MUC4: variants seen among roughly 807,000 people sequenced by gnomAD.
The protein encoded by MUC4 is mucin 4, cell surface associated, also known as mucin-4.
A neutral mutation model predicts 257.9 loss-of-function variants in MUC4; 202 were observed. That is an observed-to-expected ratio of 0.78 (90% CI 0.70 to 0.88). The LOEUF (loss-of-function observed/expected upper bound fraction) is 0.88, where lower values mean the gene tolerates loss of function less well. MUC4 is among the 40% of genes least tolerant of loss of function. The probability of loss-of-function intolerance (pLI) is 0.00; values close to 1 mark genes in which losing one functional copy is unlikely to be tolerated. For synonymous variants in MUC4, 2,351 were observed against 2,757.1 expected (o/e 0.85, Z 4.62); for missense variants, 5,976 against 6,513.7 (o/e 0.92, Z 2.84).
intron 1 of MUC4, among the ~76,000 whole-genome samples, 198 bp downstream of exon 1, chr3:195,811,538 T>TC (rs1263811814): frequency 9.2e-5 from 14 of 151,640 alleles, no homozygotes; most frequent in Non-Finnish European, 2.1e-4. Flanking sequence ...CTCTCCACCT[T>TC]CCCCCCATGT....
chr3:195,800,825 C>T (rs1384841710), intron 1 of MUC4, among the ~76,000 whole-genome samples: 5 of 143,140 alleles, frequency 3.5e-5, no homozygotes, highest in East Asian at 4.2e-4. Context: ...CAGGCAGAGG[C>T]GGGAGGATTC....
In MUC4 at chr3:195,768,935, C is replaced by T. The variant is rs1256114707; in HGVS notation, c.13529+87G>A. 4.8e-5 allele frequency: 72 copies of T among 1,502,888 alleles called. No individual in the cohort carries two copies. In the South Asian group the frequency reaches 9.0e-4, roughly 19 times the overall value. 93.1% of individuals were successfully genotyped at this position (1,502,888 alleles called of 1,614,324 possible). ...CCAGCCAGGAGGGTTCCCGCCTTGCCCCAGGATGGGAGTGTGTGTGCAGCG... is the reference window on the plus strand; with the variant it reads ...CCAGCCAGGAGGGTTCCCGCCTTGCTCCAGGATGGGAGTGTGTGTGCAGCG... On this transcript the variant is annotated intron_variant, in intron 7 of 24. Coordinates refer to ENST00000463781, the MANE Select transcript of MUC4 (RefSeq NM_018406.7).
chr3:195,789,314 T>C lies in MUC4; in HGVS notation c.2266A>G (p.Thr756Ala), dbSNP rs1380226292. ...GGTGAGGTGCTGGCAGAGGCTGATG[T>C]CCATTGTCCTTCTGGGCCCCCTGGT... Reference protein sequence around the residue: ...STPGGPEGQWTSASASTSPDT... With the variant: ...STPGGPEGQWASASASTSPDT... Residue 756 changes from threonine (T) to alanine (A), a missense_variant, in exon 2 of 25, where the codon ACA becomes GCA. Thr to Ala is a moderately conservative substitution (Grantham distance 58, BLOSUM62 0). Around this residue, in one of 44 missense-constraint regions of MUC4, gnomAD observed 1,583 missense variants for 1,257.4 expected, o/e 1.26. Transcript: ENST00000463781. 2.5e-6 allele frequency: 4 copies of C among 1,613,742 alleles called. No homozygotes were observed. The highest frequency in any genetic ancestry group is 1.7e-6 in the Non-Finnish European group (2 of 1,179,858).
chr3:195,808,198 C>T (rs532661177), intron 1 of MUC4, among the ~76,000 whole-genome samples: 1 of 152,192 alleles, frequency 6.6e-6, no homozygotes, highest in South Asian at 2.1e-4. Flanking sequence ...TCTTCCCAGG[C>T]CTCTTTCTCA....
intron 1 of MUC4, among the ~76,000 whole-genome samples, chr3:195,805,393 C>A (rs1735852926): frequency 6.6e-6 from 1 of 152,200 alleles, no homozygotes; most frequent in South Asian, 2.1e-4. Context: ...GCTCAACTCT[C>A]TTTTCCCCAA....
intron 21 of MUC4, 111 bp downstream of exon 21, chr3:195,752,262 G>T: frequency 9.6e-7 from 1 of 1,037,176 alleles, no homozygotes; most frequent in Non-Finnish European, 1.5e-6. Flanking sequence ...GCCTCCTCTG[G>T]CAGTTGAATC....
intron 6 of MUC4, chr3:195,769,827 C>G: frequency 5.4e-6 from 1 of 183,622 alleles, no homozygotes; most frequent in Non-Finnish European, 1.1e-5. Context: ...TTGCCAGTGG[C>G]GTGACTCTGA....
In MUC4 at chr3:195,754,252, A is replaced by AG; in HGVS notation, c.15288dup (p.Cys5097LeufsTer57). On this transcript the variant is annotated frameshift_variant, in exon 19 of 25. Coordinates refer to ENST00000463781, the MANE Select transcript of MUC4 (RefSeq NM_018406.7). LOFTEE classifies it high-confidence loss of function. ...CCATCCCCAGTCAGGTTTGGAGGGC[A>AG]GGCCTCGCAGCCCTTCCCAGGAACG... is the stretch of plus-strand genomic sequence containing the variant. 6.2e-7 allele frequency: 1 copy of AG among 1,613,964 alleles called. No homozygotes were observed. Among genetic ancestry groups the AG allele is most frequent in the Non-Finnish European group, 8.5e-7 (1 of 1,179,956 alleles).
Position 195,789,237 on chromosome 3 carries a change from G to C in MUC4, c.2343C>G (p.Ala781=), listed in dbSNP as rs778759871. ...THTHQAESTE[A]SGQTQTSEPA... ...GTTCGCTGGTCTGTGTTTGTCCAGA[G>C]GCCTCTGTGCTCTCAGCCTGGTGGG... Residue 781 remains alanine (A), a synonymous_variant, in exon 2 of 25, where the codon GCC becomes GCG. Coordinates refer to ENST00000463781, the MANE Select transcript of MUC4 (RefSeq NM_018406.7). The C allele has an allele frequency of 1.9e-6, 3 of 1,613,884 alleles. No homozygotes were observed. Among genetic ancestry groups the C allele is most frequent in the Non-Finnish European group, 1.7e-6 (2 of 1,179,848 alleles).
In MUC4 at chr3:195,754,349, C is replaced by T; in HGVS notation, c.15192G>A (p.Gly5064=). ...SLEVAGCKCD[G]GTFGRYCEGS... ...CCTCGCAGTAGCGGCCGAAGGTGCCCCCGTCACACTTGCAGCCAGCCACCT... is the reference window on the plus strand; with the variant it reads ...CCTCGCAGTAGCGGCCGAAGGTGCCTCCGTCACACTTGCAGCCAGCCACCT... Residue 5064 remains glycine, a synonymous_variant, in exon 19 of 25, where the codon GGG becomes GGA. Transcript: ENST00000463781. 2 of 1,610,604 alleles carry T rather than the reference C, an allele frequency of 1.2e-6. No individual in the cohort carries two copies. Among genetic ancestry groups the T allele is most frequent in the Non-Finnish European group, 1.7e-6 (2 of 1,178,916 alleles).
In MUC4 at chr3:195,757,296, G is replaced by A. The variant is rs1305761611; in HGVS notation, c.15019C>T (p.Leu5007=). The A allele has an allele frequency of 6.2e-7, 1 of 1,609,404 alleles. No homozygotes were observed. Among genetic ancestry groups the A allele is most frequent in the East Asian group, 2.2e-5 (1 of 44,720 alleles). ...AGAATCTCCAGAGTGAATGGCTCCA[G>A]CGACTTGGGTGTCCACAGCAACGTC... ...NGTLLWTPKS[L]EPFTLEILAR... Residue 5007 remains leucine, a synonymous_variant, in exon 18 of 25, where the codon CTG becomes TTG. Transcript: ENST00000463781. This position sits in a 1 kb window ranked among gnomAD's most constrained non-coding sequence, Gnocchi z 4.8.
At chr3:195,777,914 C>CCTTCCACGG (rs1725328856) in intron 3 of MUC4, among the ~76,000 whole-genome samples, 2 of 79,410 alleles carry the variant, frequency 2.5e-5, no homozygotes, top group African/African-American at 1.6e-4. Context: ...ACCTTCCACA[C>CCTTCCACGG]CCATACCTTC....
Position 195,790,295 on chromosome 3 carries a change from A to G in MUC4, c.1285T>C (p.Trp429Arg), listed in dbSNP as rs958021066. ...GCTGTTGACAGAGTGTCTGACCACCATATGGTTGAAACTTTGGAAGTGATT... is the reference window on the plus strand; with the variant it reads ...GCTGTTGACAGAGTGTCTGACCACCGTATGGTTGAAACTTTGGAAGTGATT... ...SAITSKVSTI[W>R]WSDTLSTALS... The change falls in exon 2 of 25, where the codon TGG becomes CGG. Residue 429 changes from tryptophan (W) to arginine (R), a missense_variant. Physicochemically the swap from Trp to Arg is moderately radical, Grantham distance 101 (BLOSUM62 -3). Transcript: ENST00000463781. The G allele has an allele frequency of 6.2e-7, 1 of 1,613,876 alleles. No individual in the cohort carries two copies. The highest frequency in any genetic ancestry group is 1.3e-5 in the African/African-American group (1 of 74,930).
At chr3:195,801,414 C>T in intron 1 of MUC4, among the ~76,000 whole-genome samples, 1 of 151,898 alleles carries the variant, frequency 6.6e-6, no homozygotes, top group South Asian at 2.1e-4. Context: ...CTTCAATGCC[C>T]AGAGCCTTCT....
At chr3:195,778,491 A>G (rs752170834) in intron 2 of MUC4, 36 bp from the exon 3 acceptor site, 1 of 1,604,388 alleles carries the variant, frequency 6.2e-7, no homozygotes, top group East Asian at 2.2e-5. Flanking sequence ...GGTGTTTCTT[A>G]CAGTAACAAA....
In MUC4 at chr3:195,782,341, G is replaced by T; in HGVS notation, c.9239C>A (p.Ser3080Ter). The T allele has an allele frequency of 1.5e-6, 2 of 1,360,984 alleles. No homozygotes were observed. Among genetic ancestry groups the T allele is most frequent in the Non-Finnish European group, 2.0e-6 (2 of 1,012,178 alleles). The allele number at this position is 1,360,984 out of a possible 1,614,324, so 84.3% of individuals were successfully genotyped here. ...ATPLPVTDTS[S>*]ASTGHATPLP... The stretch of plus-strand genomic sequence containing the variant: ...AGGGGTGGCGTGACCTGTGGATGCT[G>T]AGGAAGTGTCGGTGACAGGAAGCGG... Residue 3080 changes from serine (S) to a stop codon, truncating the protein, a stop_gained, in exon 2 of 25, where the codon TCA becomes TAA. Coordinates refer to ENST00000463781, the MANE Select transcript of MUC4 (RefSeq NM_018406.7). LOFTEE classifies it high-confidence loss of function.
At position 195,747,397 on chromosome 3, in the gene MUC4, A is replaced by G; in HGVS notation, c.16035-17T>C. ...GACACACAGCTGGTGACCAAGAGAG[A>G]CAGACAGGCGGTCAGAGGCGGGAGC... is the stretch of plus-strand genomic sequence containing the variant. On this transcript the variant is annotated splice_polypyrimidine_tract_variant and intron_variant, in intron 24 of 24. Transcript: ENST00000463781. 1 of 1,612,370 alleles carries G rather than the reference A, an allele frequency of 6.2e-7. No homozygotes were observed. Among genetic ancestry groups the G allele is most frequent in the Admixed American group, 1.7e-5 (1 of 59,910 alleles).
intron 7 of MUC4, among the ~76,000 whole-genome samples, chr3:195,767,711 TCGGCCAC>T (rs1560263854): frequency 2.7e-3 from 3 of 1,108 alleles, no homozygotes; most frequent in Non-Finnish European, 4.0e-3. Flanking sequence ...AATACCACCA[TCGGCCAC>T]CACCACCATC....
intron 4 of MUC4, among the ~76,000 whole-genome samples, chr3:195,772,429 A>C (rs1427470556): frequency 1.6e-5 from 2 of 123,506 alleles, no homozygotes; most frequent in Admixed American, 7.8e-5. Flanking sequence ...AGGGGTGTAG[A>C]CACCCTCCCT....
Sources: allele counts gnomAD v4.1 joint callset (sites outside exome capture counted in the v4.1 genomes callset), GRCh38; gene constraint gnomAD v4.1.1; regional missense constraint gnomAD v4.1.1; non-coding constraint Gnocchi (gnomAD v3.1); transcripts MANE v1.5; gene names NCBI Gene and HGNC (gene_info 2026-07-23, HGNC 2026-07-21).